ADAMTS12: variants seen among roughly 807,000 people sequenced by gnomAD.
ADAMTS12 encodes A disintegrin and metalloproteinase with thrombospondin motifs 12.
A neutral mutation model predicts 167.8 loss-of-function variants in ADAMTS12; 118 were observed. The observed-to-expected ratio is 0.70, with a 90% CI of 0.61 to 0.82. The LOEUF (loss-of-function observed/expected upper bound fraction) is 0.82, where lower values mean the gene tolerates loss of function less well. Ranked by LOEUF, ADAMTS12 falls within the 40% of genes least tolerant of loss-of-function variation. The pLI is 0.00. For synonymous variants in ADAMTS12, 704 were observed against 716.9 expected (o/e 0.98, Z 0.29); for missense variants, 1,916 against 1,998.8 (o/e 0.96, Z 0.79).
At chr5:33,645,442 G>A (rs1250270379) in intron 9 of ADAMTS12, among the ~76,000 whole-genome samples, 1 of 152,056 alleles carries the variant, frequency 6.6e-6, no homozygotes, top group East Asian at 1.9e-4. Flanking sequence ...AAAGGTCTCA[G>A]TTCTAAATCC....
chr5:33,782,240 C>A (rs1375238378), intron 2 of ADAMTS12, among the ~76,000 whole-genome samples: 1 of 151,234 alleles, frequency 6.6e-6, no homozygotes, highest in Non-Finnish European at 1.5e-5. Flanking sequence ...GTAAATGGAG[C>A]GACATTAAAG....
At chr5:33,696,955 C>T (rs1348017254) in intron 3 of ADAMTS12, among the ~76,000 whole-genome samples, 2 of 152,096 alleles carry the variant, frequency 1.3e-5, no homozygotes, top group East Asian at 1.9e-4. Context: ...ACATTTTAAG[C>T]TTCTAAATTT....
chr5:33,558,113 G>GTGCTTTATTACACATTA (rs1745568455), intron 20 of ADAMTS12, among the ~76,000 whole-genome samples: 1 of 152,028 alleles, frequency 6.6e-6, no homozygotes, highest in Admixed American at 6.6e-5. Flanking sequence ...GAAATAAAGT[G>GTGCTTTATTACACATTA]CACAATAAAT....
intron 2 of ADAMTS12, among the ~76,000 whole-genome samples, chr5:33,871,480 G>A (rs890132044): frequency 1.3e-5 from 2 of 151,974 alleles, no homozygotes; most frequent in Non-Finnish European, 2.9e-5. Context: ...ATAGTATTTA[G>A]TGATATATAA....
rs376674285 is a variant in ADAMTS12 at position 33,570,409 on chromosome 5, T to C, written c.3972+5645A>G. ...TAACAGTGGATCTCTCGGCAGAAAC[T>C]CTACAAGCCAGAAGAGAGTGGGGGC... On this transcript the variant is annotated intron_variant, in intron 19 of 23. Transcript: ENST00000504830. 1.7e-4 allele frequency among the ~76,000 whole-genome samples: 26 copies of C among 152,182 alleles called. No individual in the cohort carries two copies. The East Asian group carries it at 2.7e-3, about 16-fold the overall frequency.
intron 18 of ADAMTS12, among the ~76,000 whole-genome samples, chr5:33,585,368 C>T (rs756307542): frequency 6.6e-5 from 10 of 152,178 alleles, no homozygotes; most frequent in Non-Finnish European, 1.3e-4. Flanking sequence ...CTCTCTGCTC[C>T]CACGTGTGGC....
At chr5:33,668,521 T>C (rs187850138) in intron 5 of ADAMTS12, among the ~76,000 whole-genome samples, 1 of 152,336 alleles carries the variant, frequency 6.6e-6, no homozygotes, top group Non-Finnish European at 1.5e-5. Context: ...TTTTTCTTTA[T>C]GAGGCAGGGT....
intron 1 of ADAMTS12, among the ~76,000 whole-genome samples, chr5:33,890,423 C>T (rs1398433333): frequency 2.6e-5 from 4 of 152,192 alleles, no homozygotes; most frequent in Non-Finnish European, 5.9e-5. Context: ...CTGGCTCCAG[C>T]TTTCCAAGTA....
chr5:33,646,121 G>T (rs1740654216), intron 9 of ADAMTS12, among the ~76,000 whole-genome samples: 3 of 152,172 alleles, frequency 2.0e-5, no homozygotes, highest in Non-Finnish European at 4.4e-5. Context: ...GATAAACATG[G>T]ATTGCAAAAG....
intron 2 of ADAMTS12, among the ~76,000 whole-genome samples, chr5:33,787,984 C>T (rs1318278121): frequency 6.6e-6 from 1 of 152,184 alleles, no homozygotes; most frequent in African/African-American, 2.4e-5. Context: ...CACAGCCTCA[C>T]TCAAACGGGA....
chr5:33,645,150 ATTAT>A (rs1740615753), intron 9 of ADAMTS12, among the ~76,000 whole-genome samples: 1 of 24,976 alleles, frequency 4.0e-5, no homozygotes, highest in South Asian at 1.0e-3. Flanking sequence ...TTTATTTATT[ATTAT>A]TATTATTATT....
intron 2 of ADAMTS12, among the ~76,000 whole-genome samples, chr5:33,757,404 T>C (rs1745203971): frequency 6.6e-6 from 1 of 152,186 alleles, no homozygotes; most frequent in African/African-American, 2.4e-5. Flanking sequence ...CAGAATGGAA[T>C]GGGAACAGAT....
intron 19 of ADAMTS12, among the ~76,000 whole-genome samples, chr5:33,568,286 T>C (rs1239647915): frequency 2.0e-5 from 3 of 152,222 alleles, no homozygotes; most frequent in Admixed American, 2.0e-4. Context: ...GATAACTCAT[T>C]TTAGAAATCA....
At chr5:33,813,300 G>A (rs1159312677) in intron 2 of ADAMTS12, among the ~76,000 whole-genome samples, 1 of 152,148 alleles carries the variant, frequency 6.6e-6, no homozygotes, top group Non-Finnish European at 1.5e-5. Flanking sequence ...GTAATTCTCT[G>A]ATAACAACTT....
chr5:33,624,470 C>G, intron 13 of ADAMTS12, 119 bp from the exon 14 acceptor site: 2 of 1,406,882 alleles, frequency 1.4e-6, no homozygotes, highest in Non-Finnish European at 9.6e-7. Flanking sequence ...GTACCAGGTA[C>G]AAGGACAAAT....
chr5:33,561,524 T>C (rs1287440297), intron 19 of ADAMTS12, among the ~76,000 whole-genome samples: 1 of 152,236 alleles, frequency 6.6e-6, no homozygotes, highest in African/African-American at 2.4e-5. Context: ...GGCTCATGCC[T>C]TTAATCCCAA....
At chr5:33,626,424 G>A (rs1477630922) in intron 13 of ADAMTS12, among the ~76,000 whole-genome samples, 3 of 150,514 alleles carry the variant, frequency 2.0e-5, no homozygotes, top group Admixed American at 1.3e-4. Flanking sequence ...TGATAGTGGT[G>A]ATGTGGTAGT....
intron 18 of ADAMTS12, among the ~76,000 whole-genome samples, chr5:33,581,263 T>G (rs61497174): frequency 0.04 from 6,090 of 152,282 alleles, 386 homozygotes; most frequent in African/African-American, 0.13. Flanking sequence ...CAGCTATGAT[T>G]ATCGTATGCC....
At chr5:33,690,197 C>T (rs1341101433) in intron 3 of ADAMTS12, among the ~76,000 whole-genome samples, 1 of 152,236 alleles carries the variant, frequency 6.6e-6, no homozygotes, top group Non-Finnish European at 1.5e-5. Context: ...CTCTCCAGGC[C>T]AGCTTGGGTA....
Sources: allele counts gnomAD v4.1 joint callset (sites outside exome capture counted in the v4.1 genomes callset), GRCh38; gene constraint gnomAD v4.1.1; transcripts MANE v1.5; gene names NCBI Gene and HGNC (gene_info 2026-07-23, HGNC 2026-07-21).